The following ZC3H18 variants were observed in gnomAD, a reference collection of about 807,000 sequenced individuals.
The protein encoded by ZC3H18 is zinc finger CCCH domain-containing protein 18.
Under a neutral mutation model 106.1 loss-of-function variants are expected in ZC3H18, and 8 were observed. The ratio of observed to expected loss-of-function variants is 0.08; its 90% CI spans 0.04 to 0.14. ZC3H18 has a LOEUF of 0.14. ZC3H18 is among the 10% of genes least tolerant of loss of function. ZC3H18 has a pLI of 1.00. For synonymous variants in ZC3H18, 635 were observed against 522.1 expected (o/e 1.22, Z -2.95); for missense variants, 1,318 against 1,278.4 (o/e 1.03, Z -0.47).
At chr16:88,599,651 T>G in intron 5 of ZC3H18, 140 bp from the exon 6 acceptor site, 4 of 1,023,290 alleles carry the variant, frequency 3.9e-6, no homozygotes, top group Non-Finnish European at 5.7e-6. Context: ...TGTCCGCCCC[T>G]CACCCCTTGA....
chr16:88,622,841 C>T (rs1015133484), intron 9 of ZC3H18: 7 of 305,952 alleles, frequency 2.3e-5, no homozygotes, highest in East Asian at 9.1e-5. Flanking sequence ...CCATCATGCT[C>T]GGCAGGAACA....
chr16:88,570,959 C>T (rs1914364496), intron 1 of ZC3H18, among the ~76,000 whole-genome samples: 1 of 152,256 alleles, frequency 6.6e-6, no homozygotes, highest in South Asian at 2.1e-4. Context: ...TCATCCCGGG[C>T]TGCTGCTGGG....
intron 6 of ZC3H18, among the ~76,000 whole-genome samples, chr16:88,602,799 C>T (rs1289519339): frequency 6.6e-6 from 1 of 152,174 alleles, no homozygotes; most frequent in Non-Finnish European, 1.5e-5. Context: ...AGACGTTAGC[C>T]ACCTGATGTT....
At chr16:88,622,475 CA>C in intron 9 of ZC3H18, 87 bp downstream of exon 9, 1 of 1,398,212 alleles carries the variant, frequency 7.2e-7, no homozygotes, top group East Asian at 2.5e-5. Flanking sequence ...AGGTGGGGAA[CA>C]CCCCAGCCCC....
chr16:88,624,118 C>G (rs1054077655), intron 11 of ZC3H18, 56 bp downstream of exon 11: 1 of 1,590,992 alleles, frequency 6.3e-7, no homozygotes, highest in Non-Finnish European at 8.6e-7. Context: ...CAGGCTGCAG[C>G]CTCCTCCCTC....
chr16:88,580,069 G>T (rs543207087), intron 2 of ZC3H18, among the ~76,000 whole-genome samples: 1 of 151,820 alleles, frequency 6.6e-6, no homozygotes, highest in Non-Finnish European at 1.5e-5. Flanking sequence ...AGCGTTTCAG[G>T]CTCCTCCATC....
In ZC3H18 at chr16:88,577,698, A is replaced by G. The variant is rs775234786; in HGVS notation, c.575A>G (p.Asp192Gly). 1 of 1,613,680 alleles carries G rather than the reference A, an allele frequency of 6.2e-7. No homozygotes were observed. Among genetic ancestry groups the G allele is most frequent in the Non-Finnish European group, 8.5e-7 (1 of 1,180,016 alleles). ...AAKEKKKEDD[D>G]GEIDDGEIDD... ...AAGGAGAAAAAGAAAGAGGACGATG[A>G]TGGAGAAATCGATGATGGGGAAATA... The change falls in exon 2 of 18, where the codon GAT becomes GGT. Residue 192 changes from aspartate to glycine, a missense_variant. Around this residue, in one of 6 missense-constraint regions of ZC3H18, gnomAD observed 346 missense variants for 269.0 expected, o/e 1.29. Transcript: ENST00000301011.
chr16:88,586,685 G>GTAAT lies in ZC3H18; in HGVS notation c.688+3_688+6dup. 1 of 1,614,090 alleles carries GTAAT rather than the reference G, an allele frequency of 6.2e-7. No individual in the cohort carries two copies. Among genetic ancestry groups the GTAAT allele is most frequent in the East Asian group, 2.2e-5 (1 of 44,886 alleles). ...CCCACCTGCCGGTTCTTCATGAAAG[G>GTAAT]TAATTGTCTGCGTGTGAGGCCTTCT... On this transcript the variant is annotated splice_donor_variant, in intron 3 of 17. Coordinates refer to ENST00000301011, the MANE Select transcript of ZC3H18 (RefSeq NM_144604.4). LOFTEE classifies it high-confidence loss of function.
chr16:88,629,215 C>T (rs184321033), intron 16 of ZC3H18, among the ~76,000 whole-genome samples: 2 of 152,310 alleles, frequency 1.3e-5, no homozygotes, highest in East Asian at 3.9e-4. Flanking sequence ...TAGCTCATGC[C>T]TGTAATCCCA....
Position 88,623,942 on chromosome 16 carries a change from T to G in ZC3H18, c.1794-16T>G, listed in dbSNP as rs756725738. Reference sequence around the variant, plus strand: ...CACCCCCAGGCCCCTTCCGACACCTTTGTTCACTCCCCTAGGTCCCGGTCC... The same window carrying G: ...CACCCCCAGGCCCCTTCCGACACCTGTGTTCACTCCCCTAGGTCCCGGTCC... On this transcript the variant is annotated splice_polypyrimidine_tract_variant and intron_variant, in intron 10 of 17. Coordinates refer to ENST00000301011, the MANE Select transcript of ZC3H18 (RefSeq NM_144604.4). 1 of 1,603,524 alleles carries G rather than the reference T, an allele frequency of 6.2e-7. No homozygotes were observed. Among genetic ancestry groups the G allele is most frequent in the East Asian group, 2.2e-5 (1 of 44,654 alleles).
intron 8 of ZC3H18, among the ~76,000 whole-genome samples, chr16:88,616,964 CGA>C (rs1292211075): frequency 3.9e-5 from 6 of 152,096 alleles, no homozygotes; most frequent in African/African-American, 7.2e-5. Flanking sequence ...CCAAGCTTCA[CGA>C]GAGGGGGCAC....
intron 1 of ZC3H18, among the ~76,000 whole-genome samples, chr16:88,574,161 C>G (rs1914589479): frequency 1.3e-5 from 2 of 152,064 alleles, no homozygotes; most frequent in South Asian, 4.1e-4. Context: ...AGGCGTGAGC[C>G]ACCACCCTTG....
intron 3 of ZC3H18, among the ~76,000 whole-genome samples, chr16:88,595,956 T>C (rs1446816261): frequency 3.3e-5 from 5 of 152,148 alleles, no homozygotes; most frequent in East Asian, 1.9e-4. Flanking sequence ...GATGGGACAA[T>C]GGTGTTCTTT....
intron 8 of ZC3H18, among the ~76,000 whole-genome samples, chr16:88,615,160 T>G (rs1905512844): frequency 7.9e-6 from 1 of 126,492 alleles, no homozygotes; most frequent in African/African-American, 3.0e-5. Context: ...ACCTCCTCCA[T>G]TCCCTCTGCC....
At chr16:88,591,486 C>T (rs765694859) in intron 3 of ZC3H18, among the ~76,000 whole-genome samples, 3 of 151,928 alleles carry the variant, frequency 2.0e-5, no homozygotes, top group Admixed American at 6.5e-5. Flanking sequence ...GCAGGAGAAT[C>T]GCTTGAACCC....
intron 17 of ZC3H18, 127 bp from the exon 18 acceptor site, chr16:88,630,974 C>T: frequency 2.5e-6 from 3 of 1,208,776 alleles, no homozygotes; most frequent in Non-Finnish European, 3.5e-6. Context: ...GCCTGGCCAT[C>T]CAGGGAGCCC....
chr16:88,592,282 C>CT (rs2142629308), intron 3 of ZC3H18, among the ~76,000 whole-genome samples: 1 of 151,970 alleles, frequency 6.6e-6, no homozygotes, highest in East Asian at 1.9e-4. Flanking sequence ...GGTGGGGTGT[C>CT]TTTTTTCATG....
chr16:88,620,312 G>A (rs1905878285), intron 8 of ZC3H18, among the ~76,000 whole-genome samples: 1 of 152,224 alleles, frequency 6.6e-6, no homozygotes, highest in Admixed American at 6.5e-5. Flanking sequence ...TTGCAGGCCA[G>A]GCATGGCGGC....
At chr16:88,619,929 G>A (rs574225981) in intron 8 of ZC3H18, among the ~76,000 whole-genome samples, 2 of 152,322 alleles carry the variant, frequency 1.3e-5, no homozygotes, top group East Asian at 3.9e-4. Flanking sequence ...CTGTGACAGG[G>A]AGGATCATCA....
Sources: allele counts gnomAD v4.1 joint callset (sites outside exome capture counted in the v4.1 genomes callset), GRCh38; gene constraint gnomAD v4.1.1; regional missense constraint gnomAD v4.1.1; transcripts MANE v1.5; gene names NCBI Gene and HGNC (gene_info 2026-07-23, HGNC 2026-07-21).